Variants in ACTR1A observed in about 807,000 individuals in gnomAD.
The protein encoded by ACTR1A is actin related protein 1A, also known as alpha-centractin.
A neutral mutation model predicts 50.7 loss-of-function variants in ACTR1A; 10 were observed. The observed-to-expected ratio is 0.20, with a 90% CI of 0.12 to 0.33. The LOEUF (loss-of-function observed/expected upper bound fraction) is 0.33, where lower values mean the gene tolerates loss of function less well. ACTR1A is among the 10% of genes least tolerant of loss of function. The probability of loss-of-function intolerance (pLI) is 1.00; values close to 1 mark genes in which losing one functional copy is unlikely to be tolerated. For synonymous variants in ACTR1A, 177 were observed against 184.2 expected (o/e 0.96, Z 0.32); for missense variants, 253 against 491.7 (o/e 0.51, Z 4.59).
chr10:102,481,023 T>C, intron 10 of ACTR1A, 58 bp from the exon 11 acceptor site: 1 of 1,579,608 alleles, frequency 6.3e-7, no homozygotes, highest in Non-Finnish European at 8.7e-7. Flanking sequence ...GTGTGGAGCC[T>C]ACCAGTCCCC....
intron 6 of ACTR1A, 135 bp from the exon 7 acceptor site, chr10:102,483,238 C>A (rs779452230): frequency 1.9e-5 from 14 of 731,070 alleles, no homozygotes; most frequent in Non-Finnish European, 3.2e-5. Context: ...ATAGCTGCTG[C>A]CCAGAAGCAG....
At chr10:102,494,223 G>A (rs2062208691) in intron 1 of ACTR1A, among the ~76,000 whole-genome samples, 3 of 152,242 alleles carry the variant, frequency 2.0e-5, no homozygotes, top group Admixed American at 1.3e-4. Context: ...GGCTGGGTGT[G>A]GTAACTCATG....
chr10:102,497,248 T>C (rs2079956245), intron 1 of ACTR1A, among the ~76,000 whole-genome samples: 1 of 151,972 alleles, frequency 6.6e-6, no homozygotes, highest in South Asian at 2.1e-4. Context: ...GGCCAAGAGT[T>C]TGATAACTGT....
chr10:102,496,326 T>C (rs1339993550), intron 1 of ACTR1A, among the ~76,000 whole-genome samples: 1 of 152,252 alleles, frequency 6.6e-6, no homozygotes, highest in African/African-American at 2.4e-5. Flanking sequence ...TTTCCCAGCC[T>C]GGAAGAGGTG....
At chr10:102,485,568 T>C (rs1456522380) in intron 5 of ACTR1A, 41 bp downstream of exon 5, 2 of 1,610,268 alleles carry the variant, frequency 1.2e-6, no homozygotes, top group African/African-American at 1.3e-5. Flanking sequence ...GCCAAAGGAC[T>C]GCTTTCCCCG....
rs1286398261 is a variant in ACTR1A at position 102,488,701 on chromosome 10, T to A, written c.189+362A>T. Among the ~76,000 whole-genome samples the A allele has an allele frequency of 6.6e-6, 1 of 152,132 alleles. No homozygotes were observed. The highest frequency in any genetic ancestry group is 1.5e-5 in the Non-Finnish European group (1 of 68,016). On this transcript the variant is annotated intron_variant, in intron 3 of 10. Transcript: ENST00000369905. This position sits in a 1 kb window ranked among gnomAD's most constrained non-coding sequence, Gnocchi z 4.4. ...TGACAAAGCTGTGTGAATTAACTCA[T>A]CCCTAGGGTACCCCAGCCAGGATCT...
Position 102,484,272 on chromosome 10 carries a change from C to A in ACTR1A, c.545G>T (p.Arg182Leu). 6.2e-7 allele frequency: 1 copy of A among 1,614,194 alleles called. No individual in the cohort carries two copies. Among genetic ancestry groups the A allele is most frequent in the Non-Finnish European group, 8.5e-7 (1 of 1,180,028 alleles). Residue 182 changes from arginine to leucine, a missense_variant, in exon 6 of 11, where the codon CGC becomes CTC. By Grantham distance (102) the Arg-to-Leu change is moderately radical. Coordinates refer to ENST00000369905, the MANE Select transcript of ACTR1A (RefSeq NM_005736.4). Reference sequence around the variant, plus strand: ...GACGTCCCGGCCCGCGATGTCGATGCGCATGATGGAGTGGGGCATGGCAAA... The same window carrying A: ...GACGTCCCGGCCCGCGATGTCGATGAGCATGATGGAGTGGGGCATGGCAAA... ...EGFAMPHSIMRIDIAGRDVSR... is the reference protein window; with the variant it reads ...EGFAMPHSIMLIDIAGRDVSR...
Position 102,482,291 on chromosome 10 carries a change from A to G in ACTR1A, c.751-116T>C, listed in dbSNP as rs116752355. On this transcript the variant is annotated intron_variant, in intron 7 of 10. Coordinates refer to ENST00000369905, the MANE Select transcript of ACTR1A (RefSeq NM_005736.4). The surrounding 1 kb of genome is among the most constrained non-coding windows in gnomAD (Gnocchi z 5.6). ...TAGTAACTGGGTGGCTATGAAGGCC[A>G]GGCTCAAGACAGACTCTACATGTCA... 4.8e-3 allele frequency: 4,717 copies of G among 985,482 alleles called. 140 individuals are homozygous for G. The African/African-American group carries it at 0.068, about 14-fold the overall frequency. 61.0% of individuals were successfully genotyped at this position (985,482 alleles called of 1,614,324 possible).
chr10:102,482,341 C>T lies in ACTR1A; in HGVS notation c.751-166G>A. 1 of 651,746 alleles carries T rather than the reference C, an allele frequency of 1.5e-6. No individual in the cohort carries two copies. The highest frequency in any genetic ancestry group is 1.9e-5 in the South Asian group (1 of 52,132). 40.4% of individuals were successfully genotyped at this position (651,746 alleles called of 1,614,324 possible). A position where few individuals can be genotyped will look rare whatever the true frequency, so the allele number is the denominator to read the frequency against. ...AAGGGCTTAAAGGAACAAAGATAGG[C>T]CTCCTGGAAACTAGTGAGGGGAGGC... On this transcript the variant is annotated intron_variant, in intron 7 of 10. Transcript: ENST00000369905. The surrounding 1 kb of genome is among the most constrained non-coding windows in gnomAD (Gnocchi z 5.6).
At chr10:102,493,093 G>C (rs2062202788) in intron 1 of ACTR1A, among the ~76,000 whole-genome samples, 2 of 151,662 alleles carry the variant, frequency 1.3e-5, no homozygotes, top group Non-Finnish European at 2.9e-5. Context: ...AAGGGAGCAG[G>C]AATCTTTGCC....
chr10:102,491,446 C>T (rs2062191211), intron 1 of ACTR1A, among the ~76,000 whole-genome samples: 1 of 152,194 alleles, frequency 6.6e-6, no homozygotes, highest in South Asian at 2.1e-4. Flanking sequence ...CTGTCTGGTT[C>T]TTATTGCAAG....
intron 2 of ACTR1A, 134 bp downstream of exon 2, chr10:102,490,415 G>T: frequency 1.8e-6 from 1 of 552,230 alleles, no homozygotes. Flanking sequence ...CCTCTTATCT[G>T]TGCCTCTCAA....
rs527797447 is a variant in ACTR1A, at chr10:102,479,556, C to T, written c.*1307G>A. 1.1e-4 allele frequency: 139 copies of T among 1,245,124 alleles called. No homozygotes were observed. In the Admixed American group the frequency reaches 1.3e-3, roughly 12 times the overall value. 77.1% of individuals were successfully genotyped at this position (1,245,124 alleles called of 1,614,324 possible). A position where few individuals can be genotyped will look rare whatever the true frequency, so the allele number is the denominator to read the frequency against. ...ACCATCTAGGCTGAAGGCCTTTGGA[C>T]CACTCCTAGGAGTCAGGCCTGGCTC... On this transcript the variant is annotated 3_prime_UTR_variant, in exon 11 of 11. Transcript: ENST00000369905. This position sits in a 1 kb window ranked among gnomAD's most constrained non-coding sequence, Gnocchi z 4.0.
intron 1 of ACTR1A, among the ~76,000 whole-genome samples, chr10:102,494,508 T>C (rs1054191566): frequency 6.6e-6 from 1 of 152,158 alleles, no homozygotes; most frequent in African/African-American, 2.4e-5. Context: ...TGTGTGCCTG[T>C]GGTCCCAGCT....
At chr10:102,500,600 C>CAAACAAACAAA (rs779479757) in intron 1 of ACTR1A, among the ~76,000 whole-genome samples, 1 of 130,616 alleles carries the variant, frequency 7.7e-6, no homozygotes, top group Non-Finnish European at 1.7e-5. Context: ...AACAAACAAA[C>CAAACAAACAAA]AAACAAAAAT....
At chr10:102,499,465 GA>G (rs764788780) in intron 1 of ACTR1A, among the ~76,000 whole-genome samples, 5 of 151,632 alleles carry the variant, frequency 3.3e-5, no homozygotes, top group Admixed American at 6.6e-5. Context: ...CCCAGAGGGG[GA>G]AAAAAAAGAC....
At chr10:102,491,464 C>T (rs893988047) in intron 1 of ACTR1A, among the ~76,000 whole-genome samples, 6 of 152,220 alleles carry the variant, frequency 3.9e-5, no homozygotes, top group Admixed American at 3.9e-4. Context: ...AAGGGCAGAG[C>T]ACGATGCTTT....
In ACTR1A at chr10:102,480,984, G is replaced by C. The variant is rs758351073; in HGVS notation, c.1029-19C>G. 1 of 1,601,748 alleles carries C rather than the reference G, an allele frequency of 6.2e-7. No homozygotes were observed. Among genetic ancestry groups the C allele is most frequent in the Non-Finnish European group, 8.6e-7 (1 of 1,168,820 alleles). On this transcript the variant is annotated intron_variant, in intron 10 of 10. Coordinates refer to ENST00000369905, the MANE Select transcript of ACTR1A (RefSeq NM_005736.4). ...GGAGCCCCTGGAGGGAGGAAACCCA[G>C]AGGAACTGTGTGAGAGAGAAGTGGC...
In ACTR1A at chr10:102,488,060, G is replaced by T; in HGVS notation, c.315+90C>A. The T allele has an allele frequency of 6.7e-7, 1 of 1,482,090 alleles. No individual in the cohort carries two copies. Among genetic ancestry groups the T allele is most frequent in the Non-Finnish European group, 9.3e-7 (1 of 1,079,172 alleles). The allele number at this position is 1,482,090 out of a possible 1,614,324, so 91.8% of individuals were successfully genotyped here. A position where few individuals can be genotyped will look rare whatever the true frequency, so the allele number is the denominator to read the frequency against. ...TCAAATGGCTCCAGCACTCTTGGCA[G>T]TGATCATCGTCCTCCTCATCATCTC... is the stretch of plus-strand genomic sequence containing the variant. On this transcript the variant is annotated intron_variant, in intron 4 of 10. Transcript: ENST00000369905. This position sits in a 1 kb window ranked among gnomAD's most constrained non-coding sequence, Gnocchi z 4.4.
Sources: allele counts gnomAD v4.1 joint callset (sites outside exome capture counted in the v4.1 genomes callset), GRCh38; gene constraint gnomAD v4.1.1; non-coding constraint Gnocchi (gnomAD v3.1); transcripts MANE v1.5; gene names NCBI Gene and HGNC (gene_info 2026-07-23, HGNC 2026-07-21).